Variants in RORA observed in about 807,000 individuals in gnomAD.
RORA encodes RAR related orphan receptor A.
In RORA, 7 loss-of-function variants were observed where a neutral mutation model predicts 69.5. The ratio of observed to expected loss-of-function variants is 0.10; its 90% CI spans 0.06 to 0.19. The LOEUF is 0.19. Ranked by LOEUF, RORA falls within the 10% of genes least tolerant of loss-of-function variation. The probability of loss-of-function intolerance (pLI) is 1.00; values close to 1 mark genes in which losing one functional copy is unlikely to be tolerated. For synonymous variants in RORA, 261 were observed against 240.8 expected (o/e 1.08, Z -0.78); for missense variants, 457 against 663.0 (o/e 0.69, Z 3.41).
At chr15:60,604,758 T>C (rs1460576249) in intron 2 of RORA, among the ~76,000 whole-genome samples, 2 of 152,214 alleles carry the variant, frequency 1.3e-5, no homozygotes, top group Non-Finnish European at 2.9e-5. Flanking sequence ...GTTCCAACAG[T>C]GGCTTTGTGA....
chr15:60,996,889 G>C (rs1201399317), intron 1 of RORA, among the ~76,000 whole-genome samples: 1 of 151,544 alleles, frequency 6.6e-6, no homozygotes, highest in East Asian at 1.9e-4. Flanking sequence ...CAGCCTGGGA[G>C]ACAGGGAGAC....
chr15:61,009,927 A>G (rs1301738348), intron 1 of RORA, among the ~76,000 whole-genome samples: 4 of 152,228 alleles, frequency 2.6e-5, no homozygotes, highest in Non-Finnish European at 5.9e-5. Flanking sequence ...AGCTTGGAAA[A>G]AAAATTGGAG....
intron 1 of RORA, among the ~76,000 whole-genome samples, chr15:60,804,725 C>T (rs911828420): frequency 2.0e-5 from 3 of 152,106 alleles, no homozygotes; most frequent in Non-Finnish European, 2.9e-5. Flanking sequence ...ATTAAACAAC[C>T]GATTTCAAGA....
At chr15:60,863,929 C>A (rs558201164) in intron 1 of RORA, among the ~76,000 whole-genome samples, 1 of 152,204 alleles carries the variant, frequency 6.6e-6, no homozygotes, top group East Asian at 1.9e-4. Flanking sequence ...TCCTCAGCCT[C>A]CCAAGAAGCT....
intron 1 of RORA, among the ~76,000 whole-genome samples, chr15:61,005,216 A>G (rs1383008860): frequency 6.6e-6 from 1 of 152,214 alleles, no homozygotes; most frequent in Non-Finnish European, 1.5e-5. Flanking sequence ...ATGGTGGCTC[A>G]TGTCTGTAAT....
intron 1 of RORA, among the ~76,000 whole-genome samples, chr15:60,810,371 T>A (rs2072724569): frequency 6.6e-6 from 1 of 152,120 alleles, no homozygotes; most frequent in African/African-American, 2.4e-5. Context: ...CTGCTATTTT[T>A]CTTTGGAAAC....
At chr15:60,731,653 G>A (rs551886635) in intron 1 of RORA, among the ~76,000 whole-genome samples, 1 of 152,282 alleles carries the variant, frequency 6.6e-6, no homozygotes, top group South Asian at 2.1e-4. Flanking sequence ...GAAGCAAGTA[G>A]AGCAAGCACA....
intron 1 of RORA, among the ~76,000 whole-genome samples, chr15:61,080,247 TA>T (rs2078519821): frequency 6.6e-6 from 1 of 152,190 alleles, no homozygotes; most frequent in Non-Finnish European, 1.5e-5. Context: ...TCCTTTAGTC[TA>T]ATCTAAACCT....
intron 1 of RORA, among the ~76,000 whole-genome samples, chr15:60,918,291 A>G (rs144463007): frequency 1.5e-4 from 23 of 152,368 alleles, no homozygotes; most frequent in Non-Finnish European, 2.4e-4. Flanking sequence ...TAAAGCCTTG[A>G]TTAAGCCAAA....
At chr15:60,983,847 T>TA (rs1258133908) in intron 1 of RORA, among the ~76,000 whole-genome samples, 2 of 152,204 alleles carry the variant, frequency 1.3e-5, no homozygotes, top group African/African-American at 4.8e-5. Context: ...ACCTTGAGCA[T>TA]ATGTTCTCAG....
intron 1 of RORA, among the ~76,000 whole-genome samples, chr15:61,070,626 G>A (rs1350220539): frequency 1.3e-5 from 2 of 152,278 alleles, no homozygotes; most frequent in Non-Finnish European, 2.9e-5. Flanking sequence ...CAAACACTGG[G>A]TTGTACCCAA....
chr15:60,489,237 C>G lies in RORA; in HGVS notation c.*8218G>C, dbSNP rs1042859585. The G allele has an allele frequency of 6.6e-6, 1 of 152,184 alleles. No homozygotes were observed. Among genetic ancestry groups the G allele is most frequent in the African/African-American group, 2.4e-5 (1 of 41,430 alleles). 9.4% of individuals were successfully genotyped at this position (152,184 alleles called of 1,614,324 possible). On this transcript the variant is annotated 3_prime_UTR_variant, in exon 11 of 11. Transcript: ENST00000335670. ...ACTACTAGCATTAGCTCTCATTAAC[C>G]ACACAATTGCATTTATAATTAAGGT...
In RORA at chr15:61,020,201, C is replaced by CCACA. The variant is rs1269052567; in HGVS notation, c.166+208851_166+208852insTGTG. Reference sequence around the variant, plus strand: ...CATATATGTCTTTCTGTTCCCTTCTCTTTAGGACTCCACATTAAGTCAGCA... The same window carrying CCACA: ...CATATATGTCTTTCTGTTCCCTTCTCCACATTTAGGACTCCACATTAAGTCAGCA... On this transcript the variant is annotated intron_variant, in intron 1 of 10. Coordinates refer to ENST00000335670, the MANE Select transcript of RORA (RefSeq NM_134261.3). Among the ~76,000 whole-genome samples, 6 of 152,316 alleles carry CCACA rather than the reference C, an allele frequency of 3.9e-5. No individual in the cohort carries two copies. The South Asian group carries it at 1.0e-3, about 26-fold the overall frequency.
At chr15:61,107,572 A>C (rs115743510) in intron 1 of RORA, among the ~76,000 whole-genome samples, 1,885 of 152,188 alleles carry the variant, frequency 0.012, 42 homozygotes, top group African/African-American at 0.043. Flanking sequence ...GCTTAAGGGA[A>C]GAAAAAGTTG....
chr15:60,874,558 T>G (rs1290659921), intron 1 of RORA, among the ~76,000 whole-genome samples: 1 of 152,164 alleles, frequency 6.6e-6, no homozygotes, highest in Non-Finnish European at 1.5e-5. Flanking sequence ...GTTTTCCAAT[T>G]CAACTTTATT....
At chr15:61,055,654 CA>C (rs530633637) in intron 1 of RORA, among the ~76,000 whole-genome samples, 89 of 152,312 alleles carry the variant, frequency 5.8e-4, no homozygotes, top group Non-Finnish European at 1.2e-3. Flanking sequence ...TAATACTAAG[CA>C]AAAGTACACA....
intron 1 of RORA, among the ~76,000 whole-genome samples, chr15:60,930,191 A>G (rs1236497300): frequency 6.6e-6 from 1 of 152,176 alleles, no homozygotes; most frequent in Non-Finnish European, 1.5e-5. Flanking sequence ...CATTCTGCAT[A>G]GTAGATACAG....
chr15:61,167,649 TCCCCA>T (rs952385531), intron 1 of RORA, among the ~76,000 whole-genome samples: 1 of 152,160 alleles, frequency 6.6e-6, no homozygotes, highest in Non-Finnish European at 1.5e-5. Context: ...CAGGGAGCTT[TCCCCA>T]CACTTATGTT....
intron 1 of RORA, among the ~76,000 whole-genome samples, chr15:60,959,746 A>G (rs1893363842): frequency 6.6e-6 from 1 of 152,188 alleles, no homozygotes; most frequent in South Asian, 2.1e-4. Context: ...GCATTTGAAA[A>G]AACACCGGAT....
Sources: allele counts gnomAD v4.1 joint callset (sites outside exome capture counted in the v4.1 genomes callset), GRCh38; gene constraint gnomAD v4.1.1; transcripts MANE v1.5; gene names NCBI Gene and HGNC (gene_info 2026-07-23, HGNC 2026-07-21).